The following DNAJC18 variants were observed in gnomAD, a reference collection of about 807,000 sequenced individuals.
DNAJC18 encodes the protein DnaJ heat shock protein family (Hsp40) member C18.
Under a neutral mutation model 48.6 loss-of-function variants are expected in DNAJC18, and 40 were observed. That is an observed-to-expected ratio of 0.82 (90% CI 0.64 to 1.07). The LOEUF is 1.07. Ranked by LOEUF, DNAJC18 falls within the 50% of genes least tolerant of loss-of-function variation. The pLI, the probability that DNAJC18 is intolerant of heterozygous loss-of-function variation, is 0.00. For synonymous variants in DNAJC18, 135 were observed against 152.2 expected, an observed-to-expected ratio of 0.89 and a Z score of 0.83; for missense variants, 340 against 427.7, an observed-to-expected ratio of 0.79 and a Z score of 1.81.
intron 2 of DNAJC18, among the ~76,000 whole-genome samples, chr5:139,431,295 A>C (rs1048019162): frequency 6.6e-6 from 1 of 152,168 alleles, no homozygotes; most frequent in Non-Finnish European, 1.5e-5. Context: ...TGCATCTATC[A>C]CCACTATCTC....
At chr5:139,424,332 CT>C (rs1759200845) in intron 5 of DNAJC18, among the ~76,000 whole-genome samples, 1 of 152,200 alleles carries the variant, frequency 6.6e-6, no homozygotes, top group African/African-American at 2.4e-5. Flanking sequence ...TGAGGCCCAG[CT>C]GTGCTTCTTG....
chr5:139,428,455 AAAC>A, intron 3 of DNAJC18, 80 bp downstream of exon 3: 2 of 1,530,692 alleles, frequency 1.3e-6, no homozygotes, highest in Non-Finnish European at 1.8e-6. Flanking sequence ...TGGCCTTATA[AAAC>A]AACTATGGGG....
At chr5:139,438,545 G>A (rs1263063968) in intron 1 of DNAJC18, among the ~76,000 whole-genome samples, 1 of 152,136 alleles carries the variant, frequency 6.6e-6, no homozygotes, top group African/African-American at 2.4e-5. Context: ...AAGCAATACA[G>A]TCAAAAGGGG....
Position 139,439,497 on chromosome 5 carries a change from A to G in DNAJC18, c.-52T>C. On this transcript the variant is annotated 5_prime_UTR_variant, in exon 1 of 8. Coordinates refer to ENST00000302060, the MANE Select transcript of DNAJC18 (RefSeq NM_152686.4). The surrounding 1 kb of genome is among the most constrained non-coding windows in gnomAD (Gnocchi z 4.1). ...GAGCCTCCCCCGTGCCCGAGGCTGA[A>G]AGAGAAGGGGGCGCGGAGCGCGGGG... 6.2e-7 allele frequency: 1 copy of G among 1,613,344 alleles called. No individual in the cohort carries two copies. The highest frequency in any genetic ancestry group is 1.1e-5 in the South Asian group (1 of 91,030).
chr5:139,418,786 A>G (rs1260720936), intron 7 of DNAJC18: 4 of 456,152 alleles, frequency 8.8e-6, no homozygotes, highest in Non-Finnish European at 1.8e-5. Context: ...CTCTCTTCAA[A>G]AGACATTTGT....
In DNAJC18 at chr5:139,428,706, A is replaced by T. The variant is rs747583223; in HGVS notation, c.228-23T>A. On this transcript the variant is annotated intron_variant, in intron 2 of 7. Transcript: ENST00000302060. ...ATCCTAAAAAAAATCACAAGCATGT[A>T]TGTCTATAAAGGTCCCTTTTGTACA... The T allele has an allele frequency of 1.9e-6, 3 of 1,603,824 alleles. No individual in the cohort carries two copies. In the Admixed American group the frequency reaches 5.1e-5, roughly 28 times the overall value.
chr5:139,415,924 CTCTT>C (rs1759063128), intron 7 of DNAJC18, among the ~76,000 whole-genome samples: 1 of 152,194 alleles, frequency 6.6e-6, no homozygotes, highest in South Asian at 2.1e-4. Context: ...GGGCTAGTGA[CTCTT>C]TATATTTTCT....
intron 5 of DNAJC18, among the ~76,000 whole-genome samples, chr5:139,423,753 A>C (rs1759189913): frequency 6.6e-6 from 1 of 151,358 alleles, no homozygotes; most frequent in Admixed American, 6.6e-5. Context: ...CAAAATCCAA[A>C]AAAAAAAAAA....
rs1332878205 is a variant in DNAJC18 at position 139,428,702 on chromosome 5, A to T, written c.228-19T>A. 1.9e-6 allele frequency: 3 copies of T among 1,605,924 alleles called. No individual in the cohort carries two copies. The Admixed American group carries it at 5.1e-5, about 27-fold the overall frequency. On this transcript the variant is annotated intron_variant, in intron 2 of 7. Transcript: ENST00000302060. ...CTTGATCCTAAAAAAAATCACAAGC[A>T]TGTATGTCTATAAAGGTCCCTTTTG...
intron 2 of DNAJC18, among the ~76,000 whole-genome samples, chr5:139,433,775 G>A (rs1043273679): frequency 1.2e-4 from 19 of 152,108 alleles, no homozygotes; most frequent in African/African-American, 2.2e-4. Flanking sequence ...ATAGATTTGT[G>A]TATATTTTAT....
At chr5:139,414,861 C>T (rs993901752) in intron 7 of DNAJC18, among the ~76,000 whole-genome samples, 6 of 152,228 alleles carry the variant, frequency 3.9e-5, no homozygotes, top group East Asian at 1.9e-4. Flanking sequence ...CATCTGGATC[C>T]GGTGACCTTT....
chr5:139,436,422 T>C (rs757546181), intron 2 of DNAJC18, among the ~76,000 whole-genome samples: 11 of 152,090 alleles, frequency 7.2e-5, no homozygotes, highest in East Asian at 1.9e-4. Flanking sequence ...GTAATTTGTG[T>C]CTTTCTAGGC....
At chr5:139,415,654 A>G (rs1451213872) in intron 7 of DNAJC18, among the ~76,000 whole-genome samples, 1 of 152,202 alleles carries the variant, frequency 6.6e-6, no homozygotes, top group Non-Finnish European at 1.5e-5. Context: ...CCATATCCAA[A>G]TGAAAGCTCT....
At position 139,439,505 on chromosome 5, in the gene DNAJC18, G is replaced by C; in HGVS notation, c.-60C>G. 1 of 1,612,878 alleles carries C rather than the reference G, an allele frequency of 6.2e-7. No individual in the cohort carries two copies. The highest frequency in any genetic ancestry group is 8.5e-7 in the Non-Finnish European group (1 of 1,179,572). On this transcript the variant is annotated 5_prime_UTR_variant, in exon 1 of 8. Coordinates refer to ENST00000302060, the MANE Select transcript of DNAJC18 (RefSeq NM_152686.4). The surrounding 1 kb of genome is among the most constrained non-coding windows in gnomAD (Gnocchi z 4.1). Reference sequence around the variant, plus strand: ...CCCGTGCCCGAGGCTGAAAGAGAAGGGGGCGCGGAGCGCGGGGCACGCTGG... The same window carrying C: ...CCCGTGCCCGAGGCTGAAAGAGAAGCGGGCGCGGAGCGCGGGGCACGCTGG...
chr5:139,426,395 T>TC, intron 3 of DNAJC18, 38 bp from the exon 4 acceptor site: 1 of 1,607,290 alleles, frequency 6.2e-7, no homozygotes, highest in Non-Finnish European at 8.5e-7. Context: ...GGACACAGTC[T>TC]TTGCTATGGC....
chr5:139,433,623 C>G (rs544756604), intron 2 of DNAJC18, among the ~76,000 whole-genome samples: 1 of 152,244 alleles, frequency 6.6e-6, no homozygotes, highest in African/African-American at 2.4e-5. Flanking sequence ...AAAATTATTA[C>G]AGTAGTACAG....
In DNAJC18 at chr5:139,413,969, A is replaced by G; in HGVS notation, c.*179T>C. 1.2e-6 allele frequency: 1 copy of G among 832,612 alleles called. No individual in the cohort carries two copies. Among genetic ancestry groups the G allele is most frequent in the Non-Finnish European group, 1.8e-6 (1 of 554,832 alleles). The allele number at this position is 832,612 out of a possible 1,614,324, so 51.6% of individuals were successfully genotyped here. On this transcript the variant is annotated 3_prime_UTR_variant, in exon 8 of 8. Transcript: ENST00000302060. ...TGGTCCCTGGAGCCACTCCCCAGGA[A>G]GGATCCTGTGAAGACACATCTGGCT... is the stretch of plus-strand genomic sequence containing the variant.
At chr5:139,423,037 G>A (rs1243050306) in intron 5 of DNAJC18, among the ~76,000 whole-genome samples, 3 of 151,938 alleles carry the variant, frequency 2.0e-5, no homozygotes, top group Non-Finnish European at 2.9e-5. Context: ...GGGTTTCACC[G>A]CAGCCAGGAT....
At chr5:139,432,561 G>T (rs1759346653) in intron 2 of DNAJC18, among the ~76,000 whole-genome samples, 3 of 152,104 alleles carry the variant, frequency 2.0e-5, no homozygotes. Context: ...CCAACTCCTG[G>T]GCTCAAGTAA....
Sources: allele counts gnomAD v4.1 joint callset (sites outside exome capture counted in the v4.1 genomes callset), GRCh38; gene constraint gnomAD v4.1.1; non-coding constraint Gnocchi (gnomAD v3.1); transcripts MANE v1.5; gene names NCBI Gene and HGNC (gene_info 2026-07-23, HGNC 2026-07-21).